KIF26B: variants seen among roughly 807,000 people sequenced by gnomAD.
The protein encoded by KIF26B is kinesin-like protein KIF26B.
In KIF26B, 63 loss-of-function variants were observed where a neutral mutation model predicts 151.2. The observed-to-expected ratio is 0.42, with a 90% CI of 0.34 to 0.51. KIF26B has a LOEUF of 0.51. KIF26B is among the 20% of genes least tolerant of loss of function. The pLI, the probability that KIF26B is intolerant of heterozygous loss-of-function variation, is 0.07. For synonymous variants in KIF26B, 1,357 were observed against 1,262.1 expected, an observed-to-expected ratio of 1.08 and a Z score of -1.59; for missense variants, 2,813 against 2,913.6, an observed-to-expected ratio of 0.97 and a Z score of 0.79.
intron 2 of KIF26B, among the ~76,000 whole-genome samples, chr1:245,168,645 T>C (rs898164002): frequency 3.3e-5 from 5 of 152,252 alleles, no homozygotes; most frequent in African/African-American, 9.6e-5. Flanking sequence ...TCTATAAACA[T>C]TTTATTCATC....
intron 2 of KIF26B, among the ~76,000 whole-genome samples, chr1:245,327,020 G>A (rs1471418141): frequency 6.6e-6 from 1 of 152,122 alleles, no homozygotes; most frequent in Non-Finnish European, 1.5e-5. Context: ...CTGAAGAACT[G>A]AAAAAATTAT....
At chr1:245,467,012 C>A (rs1458472916) in intron 4 of KIF26B, among the ~76,000 whole-genome samples, 1 of 152,202 alleles carries the variant, frequency 6.6e-6, no homozygotes, top group African/African-American at 2.4e-5. Context: ...GCCCGTCTAA[C>A]CTCAGCCTTA....
intron 2 of KIF26B, among the ~76,000 whole-genome samples, chr1:245,299,746 C>G (rs756337398): frequency 6.6e-6 from 1 of 152,100 alleles, no homozygotes; most frequent in Non-Finnish European, 1.5e-5. Flanking sequence ...TGCTTTCTAC[C>G]GTTCTGCTGT....
intron 4 of KIF26B, among the ~76,000 whole-genome samples, chr1:245,453,250 A>G (rs1254809711): frequency 6.6e-6 from 1 of 152,104 alleles, no homozygotes. Flanking sequence ...ATTACCTTGG[A>G]CTAAGAGTGG....
intron 2 of KIF26B, among the ~76,000 whole-genome samples, chr1:245,233,893 TGTTTCGGGCTGG>T: frequency 1.3e-5 from 2 of 152,030 alleles, no homozygotes; most frequent in African/African-American, 4.8e-5. Context: ...TTAGAAATAA[TGTTTCGGGCTGG>T]GCGCGGTGGC....
Position 245,685,894 on chromosome 1 carries a change from G to T in KIF26B, c.2911G>T (p.Ala971Ser). 1 of 1,612,912 alleles carries T rather than the reference G, an allele frequency of 6.2e-7. No homozygotes were observed. Among genetic ancestry groups the T allele is most frequent in the Non-Finnish European group, 8.5e-7 (1 of 1,179,754 alleles). The change falls in exon 12 of 15, where the codon GCA becomes TCA. Residue 971 changes from alanine (A) to serine (S), a missense_variant. This residue lies in a region of KIF26B where 2,060 missense variants were observed against 2,088.6 expected (regional missense o/e 0.99). Coordinates refer to ENST00000407071, the MANE Select transcript of KIF26B (RefSeq NM_018012.4). ...CCCCCGGTTAAGCCAAGCAGCGGGGGCAAGCCCACTCTCTGAGTCTGATAA... is the reference window on the plus strand; with the variant it reads ...CCCCCGGTTAAGCCAAGCAGCGGGGTCAAGCCCACTCTCTGAGTCTGATAA... Reference protein sequence around the residue: ...RGPRLSQAAGASPLSESDKED... With the variant: ...RGPRLSQAAGSSPLSESDKED...
chr1:245,313,540 C>T (rs1558385276), intron 2 of KIF26B, among the ~76,000 whole-genome samples: 2 of 152,142 alleles, frequency 1.3e-5, no homozygotes, highest in Non-Finnish European at 2.9e-5. Context: ...GGAGAAGACC[C>T]GGAAATACTG....
At chr1:245,304,078 C>T (rs1671491779) in intron 2 of KIF26B, among the ~76,000 whole-genome samples, 1 of 152,218 alleles carries the variant, frequency 6.6e-6, no homozygotes, top group Non-Finnish European at 1.5e-5. Flanking sequence ...AAGAATAAAG[C>T]AGCATTCCAG....
intron 2 of KIF26B, among the ~76,000 whole-genome samples, chr1:245,350,485 T>C (rs1271443133): frequency 6.6e-6 from 1 of 152,168 alleles, no homozygotes; most frequent in Non-Finnish European, 1.5e-5. Context: ...CTCATCCCAG[T>C]GCAAAGTGTC....
chr1:245,562,779 C>T (rs966600049), intron 5 of KIF26B, among the ~76,000 whole-genome samples: 2 of 152,138 alleles, frequency 1.3e-5, no homozygotes. Flanking sequence ...GCAGTCATAG[C>T]TTACTGCAGC....
At chr1:245,215,865 G>A (rs4658726) in intron 2 of KIF26B, among the ~76,000 whole-genome samples, 11,621 of 152,080 alleles carry the variant, frequency 0.076, 587 homozygotes, top group East Asian at 0.17. Context: ...TGTTTAGAGT[G>A]GTATAATGTT....
chr1:245,398,865 C>T (rs973611903), intron 3 of KIF26B, among the ~76,000 whole-genome samples: 14 of 151,938 alleles, frequency 9.2e-5, no homozygotes, highest in Admixed American at 2.6e-4. Flanking sequence ...CACCCTTATT[C>T]ACTGTACTCC....
At chr1:245,500,982 T>C (rs1352971577) in intron 4 of KIF26B, among the ~76,000 whole-genome samples, 2 of 152,218 alleles carry the variant, frequency 1.3e-5, no homozygotes, top group African/African-American at 4.8e-5. Flanking sequence ...GGCTGAGTTC[T>C]AATGACGAAC....
intron 4 of KIF26B, among the ~76,000 whole-genome samples, chr1:245,534,389 C>T (rs1661443285): frequency 6.6e-6 from 1 of 152,110 alleles, no homozygotes; most frequent in African/African-American, 2.4e-5. Context: ...TCTTGAACTC[C>T]TGACCTCGTG....
At chr1:245,168,920 C>T (rs545507823) in intron 2 of KIF26B, among the ~76,000 whole-genome samples, 2 of 152,320 alleles carry the variant, frequency 1.3e-5, no homozygotes, top group African/African-American at 4.8e-5. Context: ...CCAAGGTTGC[C>T]TCTTTAAAAT....
rs143752869 is a variant in KIF26B, at chr1:245,545,150, G to A, written c.1350+4200G>A. Among the ~76,000 whole-genome samples the A allele has an allele frequency of 8.7e-3, 1,317 of 150,528 alleles. 14 individuals are homozygous for A. Among genetic ancestry groups the A allele is most frequent in the African/African-American group, 0.031 (1,260 of 40,834 alleles). ...AGAGTCTCACTCTGTCCCCCAGGCT[G>A]GAGTACAGTGGTACAATCTTGGCTC... On this transcript the variant is annotated intron_variant, in intron 5 of 14. Transcript: ENST00000407071.
intron 2 of KIF26B, among the ~76,000 whole-genome samples, chr1:245,161,682 T>C (rs1668532077): frequency 6.6e-6 from 1 of 152,108 alleles, no homozygotes; most frequent in African/African-American, 2.4e-5. Context: ...GAACGTGATT[T>C]TTTCTTTTTT....
chr1:245,435,568 G>A (rs572577621), intron 4 of KIF26B, among the ~76,000 whole-genome samples: 44 of 152,314 alleles, frequency 2.9e-4, no homozygotes, highest in African/African-American at 9.9e-4. Context: ...TAGAACAGGG[G>A]CCAGGCTGGC....
chr1:245,493,772 C>A (rs1013646953), intron 4 of KIF26B, among the ~76,000 whole-genome samples: 4 of 152,118 alleles, frequency 2.6e-5, no homozygotes, highest in African/African-American at 9.7e-5. Context: ...GAGAAGGCAG[C>A]AGAACTTTTG....
Sources: gnomAD v4.1 joint callset for allele counts (sites outside exome capture counted in the v4.1 genomes callset) on GRCh38, gnomAD v4.1.1 for gene constraint, gnomAD v4.1.1 regional missense constraint, MANE v1.5 for transcripts, NCBI Gene and HGNC (gene_info 2026-07-23, HGNC 2026-07-21) for gene names.